The following LAP3 variants were observed in gnomAD, a reference collection of about 807,000 sequenced individuals.
The protein encoded by LAP3 is leucine aminopeptidase 3, also known as cytosol aminopeptidase.
Under a neutral mutation model 58.8 loss-of-function variants are expected in LAP3, and 46 were observed. The observed-to-expected ratio is 0.78, with a 90% CI of 0.62 to 1.00. The LOEUF is 1.00. Among genes scored for constraint, LAP3 ranks in the 50% least tolerant of loss-of-function variants. The pLI, the probability that LAP3 is intolerant of heterozygous loss-of-function variation, is 0.00. For missense variants in LAP3, 615 were observed against 659.1 expected (o/e 0.93, Z 0.73); for synonymous variants, 257 against 237.7 (o/e 1.08, Z -0.75).
rs1714074120 is a variant in LAP3, at chr4:17,604,618, C to A, written c.1211C>A (p.Ala404Asp). Reference protein sequence around the residue: ...GAMDVALGSGATGVFTNSSWL... With the variant: ...GAMDVALGSGDTGVFTNSSWL... ...ATGGATGTAGCTTTGGGATCAGGTG[C>A]CACTGGGGTCTTTACCAATTCATCC... Residue 404 changes from alanine to aspartate, a missense_variant, in exon 11 of 13, where the codon GCC becomes GAC. Physicochemically the swap from Ala to Asp is moderately radical, Grantham distance 126 (BLOSUM62 -2). Coordinates refer to ENST00000226299, the MANE Select transcript of LAP3 (RefSeq NM_015907.3). The A allele has an allele frequency of 1.2e-6, 2 of 1,613,914 alleles. No homozygotes were observed. The highest frequency in any genetic ancestry group is 2.7e-5 in the African/African-American group (2 of 74,980).
intron 7 of LAP3, 83 bp downstream of exon 7, chr4:17,589,060 TTGA>T: frequency 2.3e-5 from 32 of 1,417,678 alleles, no homozygotes; most frequent in Non-Finnish European, 2.7e-5. Flanking sequence ...GTTTTTTGGT[TTGA>T]TTTTTTTTTT....
At chr4:17,597,480 G>A (rs1226502596) in intron 9 of LAP3, among the ~76,000 whole-genome samples, 1 of 152,144 alleles carries the variant, frequency 6.6e-6, no homozygotes, top group East Asian at 1.9e-4. Flanking sequence ...TGTTTCCCAG[G>A]CTGGTCCCAA....
intron 6 of LAP3, chr4:17,585,357 T>G: frequency 2.4e-6 from 1 of 418,100 alleles, no homozygotes; most frequent in Non-Finnish European, 4.4e-6. Flanking sequence ...ACTATGTATG[T>G]GTATATTTCA....
In LAP3 at chr4:17,607,800, T is replaced by A. The variant is rs1290003889; in HGVS notation, c.*211T>A. ...TAATATCTTACTTGATAAGGATTTT[T>A]AAGATACTCTATAAATGATTAAAAT... On this transcript the variant is annotated 3_prime_UTR_variant, in exon 13 of 13. Transcript: ENST00000226299. The A allele has an allele frequency of 2.2e-6, 1 of 445,620 alleles. No individual in the cohort carries two copies. The highest frequency in any genetic ancestry group is 3.9e-6 in the Non-Finnish European group (1 of 255,164). The allele number at this position is 445,620 out of a possible 1,614,324, so 27.6% of individuals were successfully genotyped here.
At chr4:17,589,062 G>C in intron 7 of LAP3, 85 bp downstream of exon 7, 1 of 1,376,810 alleles carries the variant, frequency 7.3e-7, no homozygotes, top group East Asian at 2.5e-5. Flanking sequence ...TTTTTGGTTT[G>C]ATTTTTTTTT....
intron 5 of LAP3, among the ~76,000 whole-genome samples, chr4:17,584,367 A>C (rs1377387065): frequency 6.6e-6 from 1 of 152,232 alleles, no homozygotes; most frequent in Non-Finnish European, 1.5e-5. Flanking sequence ...GGCATGTGGC[A>C]GGCCTTCTAG....
intron 6 of LAP3, among the ~76,000 whole-genome samples, chr4:17,588,358 TG>T (rs1713585914): frequency 6.6e-6 from 1 of 152,202 alleles, no homozygotes. Flanking sequence ...TTGCCCAGGC[TG>T]GTTTCAAACT....
chr4:17,587,580 C>T (rs924615382), intron 6 of LAP3: 9 of 152,416 alleles, frequency 5.9e-5, no homozygotes, highest in African/African-American at 2.2e-4. Context: ...AGGAGCATTC[C>T]TTGGCTGTGG....
chr4:17,601,348 G>A (rs552167770), intron 10 of LAP3, among the ~76,000 whole-genome samples: 5 of 152,246 alleles, frequency 3.3e-5, no homozygotes, highest in Admixed American at 3.3e-4. Context: ...CATCTTTAGA[G>A]CCGTGGTCCC....
intron 7 of LAP3, among the ~76,000 whole-genome samples, chr4:17,593,868 C>G (rs745770292): frequency 3.3e-5 from 5 of 152,068 alleles, no homozygotes; most frequent in Non-Finnish European, 5.9e-5. Flanking sequence ...CTGCCTCAGC[C>G]TCCCTAAGTG....
intron 10 of LAP3, among the ~76,000 whole-genome samples, chr4:17,601,446 T>A (rs1379264987): frequency 6.6e-6 from 1 of 152,200 alleles, no homozygotes; most frequent in Non-Finnish European, 1.5e-5. Flanking sequence ...ATTGTTCATC[T>A]TTTCTATGAC....
chr4:17,603,961 G>A (rs1714047142), intron 10 of LAP3, among the ~76,000 whole-genome samples: 1 of 151,774 alleles, frequency 6.6e-6, no homozygotes, highest in Non-Finnish European at 1.5e-5. Flanking sequence ...CTGAGTAGCT[G>A]GGATTACAGG....
At chr4:17,606,040 G>A (rs1467378388) in intron 11 of LAP3, among the ~76,000 whole-genome samples, 1 of 152,116 alleles carries the variant, frequency 6.6e-6, no homozygotes, top group South Asian at 2.1e-4. Context: ...CTAGCCTGTA[G>A]GCCCTTGGGT....
intron 10 of LAP3, among the ~76,000 whole-genome samples, chr4:17,599,387 A>T (rs1711896956): frequency 6.6e-6 from 1 of 151,984 alleles, no homozygotes; most frequent in African/African-American, 2.4e-5. Context: ...AAATACAAAA[A>T]TTAGTTGGGT....
chr4:17,589,664 T>C (rs1464810342), intron 7 of LAP3, among the ~76,000 whole-genome samples: 1 of 151,768 alleles, frequency 6.6e-6, no homozygotes, highest in Non-Finnish European at 1.5e-5. Context: ...TTCACTGTGT[T>C]GCCCAAACTG....
chr4:17,579,382 G>A (rs1713291491), intron 1 of LAP3, among the ~76,000 whole-genome samples: 2 of 152,202 alleles, frequency 1.3e-5, no homozygotes, highest in South Asian at 4.1e-4. Context: ...AGGGAGAAAG[G>A]GAGGTCAGAG....
At chr4:17,579,539 T>A (rs1292522454) in intron 1 of LAP3, among the ~76,000 whole-genome samples, 1 of 152,218 alleles carries the variant, frequency 6.6e-6, no homozygotes, top group African/African-American at 2.4e-5. Context: ...AACATCTTTC[T>A]GCTTTATTTG....
At chr4:17,578,190 G>T (rs561756788) in intron 1 of LAP3, among the ~76,000 whole-genome samples, 91 of 152,334 alleles carry the variant, frequency 6.0e-4, no homozygotes, top group African/African-American at 2.1e-3. Flanking sequence ...AAGCTTGGGA[G>T]TCATGCCTAA....
At chr4:17,577,621 A>C in intron 1 of LAP3, 54 bp downstream of exon 1, 1 of 1,379,070 alleles carries the variant, frequency 7.3e-7, no homozygotes, top group Non-Finnish European at 9.9e-7. Flanking sequence ...CCCGTGGGCT[A>C]CTGGGGCTGC....
Sources: gnomAD v4.1 joint callset for allele counts (sites outside exome capture counted in the v4.1 genomes callset) on GRCh38, gnomAD v4.1.1 for gene constraint, MANE v1.5 for transcripts, NCBI Gene and HGNC (gene_info 2026-07-23, HGNC 2026-07-21) for gene names.